Variants in TET1 observed in about 807,000 individuals in gnomAD.
TET1 encodes the protein methylcytosine dioxygenase TET1.
TET1 carries 13 observed loss-of-function variants against 148.7 expected under a neutral mutation model. That is an observed-to-expected ratio of 0.09 (90% confidence interval 0.06 to 0.14). TET1 has a LOEUF of 0.14. TET1 is among the 10% of genes least tolerant of loss of function. The pLI, the probability that TET1 is intolerant of heterozygous loss-of-function variation, is 1.00. For synonymous variants in TET1, 907 were observed against 937.2 expected, an observed-to-expected ratio of 0.97 and a Z score of 0.59; for missense variants, 2,182 against 2,553.8, an observed-to-expected ratio of 0.85 and a Z score of 3.14.
chr10:68,617,704 G>A (rs1490834074), intron 3 of TET1, among the ~76,000 whole-genome samples: 2 of 151,834 alleles, frequency 1.3e-5, no homozygotes, highest in African/African-American at 2.4e-5. Flanking sequence ...GCGCCACCAC[G>A]TCTGGCTAAT....
At chr10:68,619,854 C>G (rs973396677) in intron 3 of TET1, among the ~76,000 whole-genome samples, 1 of 152,106 alleles carries the variant, frequency 6.6e-6, no homozygotes, top group Non-Finnish European at 1.5e-5. Context: ...TTTCCCCAGT[C>G]TCATTGAGAT....
intron 6 of TET1, among the ~76,000 whole-genome samples, chr10:68,654,382 G>T (rs527929616): frequency 6.6e-6 from 1 of 152,102 alleles, no homozygotes; most frequent in Non-Finnish European, 1.5e-5. Context: ...ATGGGAGGCC[G>T]AGTGGGGCAG....
At chr10:68,649,748 G>A (rs900683098) in intron 4 of TET1, among the ~76,000 whole-genome samples, 2 of 152,088 alleles carry the variant, frequency 1.3e-5, no homozygotes, top group African/African-American at 4.8e-5. Context: ...GTTCTAAAAG[G>A]ATGATTGTCT....
At chr10:68,668,807 T>C (rs968625940) in intron 7 of TET1, among the ~76,000 whole-genome samples, 10 of 152,114 alleles carry the variant, frequency 6.6e-5, no homozygotes, top group African/African-American at 2.2e-4. Context: ...TAAGACTCCA[T>C]CTCTACAAAA....
intron 8 of TET1, chr10:68,674,864 G>T: frequency 2.4e-6 from 1 of 421,622 alleles, no homozygotes; most frequent in South Asian, 2.0e-5. Context: ...CTTGAAAGAA[G>T]TGGTCAATAA....
At chr10:68,614,279 G>T (rs2132938352) in intron 3 of TET1, among the ~76,000 whole-genome samples, 2 of 152,202 alleles carry the variant, frequency 1.3e-5, no homozygotes, top group South Asian at 4.1e-4. Flanking sequence ...TATACTATAA[G>T]GTCTAACAGC....
Position 68,644,970 on chromosome 10 carries a change from A to G in TET1, c.2241A>G (p.Lys747=), listed in dbSNP as rs747520107. 4 of 1,613,434 alleles carry G rather than the reference A, an allele frequency of 2.5e-6. No homozygotes were observed. In the African/African-American group the frequency reaches 5.3e-5, roughly 22 times the overall value. Residue 747 remains lysine (K), a synonymous_variant, in exon 4 of 12, where the codon AAA becomes AAG. Coordinates refer to ENST00000373644, the MANE Select transcript of TET1 (RefSeq NM_030625.3). Reference sequence around the variant, plus strand: ...CTGAAGTTGACAAGAAACGAACCAAATCTCCAAAATTGTTTGTACAAACCG... The same window carrying G: ...CTGAAGTTGACAAGAAACGAACCAAGTCTCCAAAATTGTTTGTACAAACCG... ...KNSEVDKKRT[K]SPKLFVQTVR...
At chr10:68,676,260 ATATATATATTTTTTTTTTT>A (rs1238760314) in intron 8 of TET1, among the ~76,000 whole-genome samples, 1 of 15,364 alleles carries the variant, frequency 6.5e-5, no homozygotes, top group African/African-American at 2.3e-4. Context: ...ATATATATAT[ATATATATATTTTTTTTTTT>A]TTTTTTTTTT....
chr10:68,657,038 A>AT, intron 6 of TET1, among the ~76,000 whole-genome samples: 1 of 148,576 alleles, frequency 6.7e-6, no homozygotes, highest in South Asian at 2.1e-4. Flanking sequence ...AAAAAAAAAA[A>AT]AAATTTCCCA....
At chr10:68,684,160 A>G (rs2055477402) in intron 10 of TET1, among the ~76,000 whole-genome samples, 1 of 152,156 alleles carries the variant, frequency 6.6e-6, no homozygotes, top group Admixed American at 6.5e-5. Flanking sequence ...AGGCCAAGAT[A>G]GGAGGATTGC....
intron 3 of TET1, among the ~76,000 whole-genome samples, chr10:68,609,746 A>G (rs1002198666): frequency 2.0e-5 from 3 of 152,162 alleles, no homozygotes; most frequent in African/African-American, 7.2e-5. Flanking sequence ...TATTTTATAT[A>G]TATATAGCGT....
chr10:68,650,798 G>C (rs767110219), intron 4 of TET1, among the ~76,000 whole-genome samples: 3 of 152,102 alleles, frequency 2.0e-5, no homozygotes, highest in Non-Finnish European at 4.4e-5. Context: ...AGTCTAAGGG[G>C]CCAAGTTAAA....
intron 3 of TET1, among the ~76,000 whole-genome samples, chr10:68,612,840 ACT>A (rs1234525564): frequency 6.6e-6 from 1 of 151,448 alleles, no homozygotes; most frequent in Admixed American, 6.6e-5. Flanking sequence ...CTGGTCTTGA[ACT>A]CTTGAGCTCA....
chr10:68,624,350 C>T (rs546219999), intron 3 of TET1, among the ~76,000 whole-genome samples: 3 of 152,158 alleles, frequency 2.0e-5, no homozygotes, highest in South Asian at 4.1e-4. Context: ...AGTGCAATGG[C>T]GCTATCTTGG....
In TET1 at chr10:68,646,082, A is replaced by G; in HGVS notation, c.3353A>G (p.Gln1118Arg). Residue 1118 changes from glutamine (Q) to arginine (R), a missense_variant, in exon 4 of 12, where the codon CAG becomes CGG. Gln to Arg is a conservative substitution (Grantham distance 43, BLOSUM62 1). Transcript: ENST00000373644. Reference sequence around the variant, plus strand: ...TGTAATGTACAGCAAAAATACAATCAGGAGAAGGGCACAATACAACAGAAA... The same window carrying G: ...TGTAATGTACAGCAAAAATACAATCGGGAGAAGGGCACAATACAACAGAAA... ...VTCNVQQKYN[Q>R]EKGTIQQKPP... 1.9e-6 allele frequency: 3 copies of G among 1,614,142 alleles called. No individual in the cohort carries two copies. Among genetic ancestry groups the G allele is most frequent in the Non-Finnish European group, 2.5e-6 (3 of 1,180,016 alleles).
At chr10:68,680,756 T>C (rs1171753417) in intron 8 of TET1, among the ~76,000 whole-genome samples, 1 of 152,204 alleles carries the variant, frequency 6.6e-6, no homozygotes, top group Non-Finnish European at 1.5e-5. Flanking sequence ...CTTCTTCAAT[T>C]TGTAGTTATT....
At chr10:68,570,414 T>C (rs920564839) in intron 1 of TET1, among the ~76,000 whole-genome samples, 1 of 151,892 alleles carries the variant, frequency 6.6e-6, no homozygotes, top group African/African-American at 2.4e-5. Flanking sequence ...CAGTACCGGA[T>C]AGTTTTTCAA....
At chr10:68,649,222 C>T (rs1024150452) in intron 4 of TET1, among the ~76,000 whole-genome samples, 2 of 152,202 alleles carry the variant, frequency 1.3e-5, no homozygotes, top group Admixed American at 6.5e-5. Flanking sequence ...TATCCAGTAA[C>T]TGAACTGGGA....
At chr10:68,596,013 C>CATATATAT (rs2053983103) in intron 2 of TET1, among the ~76,000 whole-genome samples, 1 of 107,548 alleles carries the variant, frequency 9.3e-6, no homozygotes, top group African/African-American at 3.7e-5. Context: ...CACACACACA[C>CATATATAT]ACACACACAC....
Sources: allele counts gnomAD v4.1 joint callset (sites outside exome capture counted in the v4.1 genomes callset), GRCh38; gene constraint gnomAD v4.1.1; transcripts MANE v1.5; gene names NCBI Gene and HGNC (gene_info 2026-07-23, HGNC 2026-07-21).